Variants in ACAP2 observed in about 807,000 individuals in gnomAD.
ACAP2 encodes arf-GAP with coiled-coil, ANK repeat and PH domain-containing protein 2.
A neutral mutation model predicts 115.8 loss-of-function variants in ACAP2; 39 were observed. The ratio of observed to expected loss-of-function variants is 0.34; its 90% CI spans 0.26 to 0.44. The LOEUF is 0.44. ACAP2 is among the 20% of genes least tolerant of loss of function. The pLI, the probability that ACAP2 is intolerant of heterozygous loss-of-function variation, is 1.00. For missense variants in ACAP2, 662 were observed against 927.6 expected (o/e 0.71, Z 3.72); for synonymous variants, 289 against 315.8 (o/e 0.92, Z 0.90).
At chr3:195,396,440 C>T (rs996797091) in intron 1 of ACAP2, among the ~76,000 whole-genome samples, 2 of 151,980 alleles carry the variant, frequency 1.3e-5, no homozygotes, top group African/African-American at 2.4e-5. Flanking sequence ...TAACTAAATA[C>T]ATTAAATGTG....
chr3:195,371,540 C>CT (rs1200712029), intron 4 of ACAP2, among the ~76,000 whole-genome samples: 1 of 152,170 alleles, frequency 6.6e-6, no homozygotes, highest in East Asian at 1.9e-4. Flanking sequence ...TTTGGATGCC[C>CT]TTTATTTCCT....
At chr3:195,402,533 T>C (rs974873922) in intron 1 of ACAP2, among the ~76,000 whole-genome samples, 1 of 152,230 alleles carries the variant, frequency 6.6e-6, no homozygotes, top group Non-Finnish European at 1.5e-5. Flanking sequence ...ATTATACATA[T>C]AACTTTTTAA....
At position 195,329,265 on chromosome 3, in the gene ACAP2, G is replaced by C. The variant is rs113515265; in HGVS notation, c.670-2306C>G. Among the ~76,000 whole-genome samples, 63 of 152,272 alleles carry C rather than the reference G, an allele frequency of 4.1e-4. No homozygotes were observed. In the Middle Eastern group the frequency reaches 0.017, roughly 41 times the overall value. On this transcript the variant is annotated intron_variant, in intron 8 of 22. Coordinates refer to ENST00000326793, the MANE Select transcript of ACAP2 (RefSeq NM_012287.6). ...AAGACTGGCAGAGTCTTATCTTCTA[G>C]ACATGGGGAAATGTATCAGGAAGAT...
chr3:195,432,631 A>T (rs1442443435), intron 1 of ACAP2, among the ~76,000 whole-genome samples: 1 of 152,188 alleles, frequency 6.6e-6, no homozygotes, highest in African/African-American at 2.4e-5. Context: ...GAATCCTCCA[A>T]CTTCGTTCTT....
chr3:195,409,013 T>C (rs1406419441), intron 1 of ACAP2, among the ~76,000 whole-genome samples: 1 of 151,176 alleles, frequency 6.6e-6, no homozygotes, highest in Non-Finnish European at 1.5e-5. Flanking sequence ...AGCTTCCCTG[T>C]AGGATTAGAA....
chr3:195,391,228 C>CTTT lies in ACAP2; in HGVS notation c.111+859_111+861dup, dbSNP rs1186667963. Among the ~76,000 whole-genome samples, 14 of 129,878 alleles carry CTTT rather than the reference C, an allele frequency of 1.1e-4. No individual in the cohort carries two copies. The South Asian group carries it at 1.7e-3, about 16-fold the overall frequency. 85.2% of individuals were successfully genotyped at this position (129,878 alleles called of 152,430 possible). ...GAAAATACAGAAAAAGCTTCTCTTT[C>CTTT]TTTTTTTTTTTTTTTTTTGAGATGG... On this transcript the variant is annotated intron_variant, in intron 2 of 22. Coordinates refer to ENST00000326793, the MANE Select transcript of ACAP2 (RefSeq NM_012287.6).
chr3:195,342,140 T>C (rs1225746861), intron 6 of ACAP2, among the ~76,000 whole-genome samples: 1 of 152,164 alleles, frequency 6.6e-6, no homozygotes, highest in Non-Finnish European at 1.5e-5. Context: ...CCTAAACTTA[T>C]TGAAATAATA....
chr3:195,363,608 T>A (rs1732514067), intron 4 of ACAP2, among the ~76,000 whole-genome samples: 2 of 147,616 alleles, frequency 1.4e-5, no homozygotes, highest in Non-Finnish European at 3.0e-5. Context: ...CCTAAAAATT[T>A]ATATGAAACC....
At chr3:195,367,212 T>C (rs1336646471) in intron 4 of ACAP2, among the ~76,000 whole-genome samples, 1 of 152,200 alleles carries the variant, frequency 6.6e-6, no homozygotes, top group African/African-American at 2.4e-5. Flanking sequence ...ACACAGCTCC[T>C]AATTCAGCAG....
intron 2 of ACAP2, among the ~76,000 whole-genome samples, chr3:195,382,908 C>T (rs1172930357): frequency 2.0e-5 from 3 of 150,130 alleles, no homozygotes; most frequent in Non-Finnish European, 4.4e-5. Context: ...GACCATCTAA[C>T]GAGGGCTGTG....
At chr3:195,340,880 T>A (rs1406620133) in intron 6 of ACAP2, among the ~76,000 whole-genome samples, 1 of 152,200 alleles carries the variant, frequency 6.6e-6, no homozygotes, top group Non-Finnish European at 1.5e-5. Flanking sequence ...AAGTACAGTC[T>A]ATTCATCTTA....
chr3:195,438,933 C>A (rs752340980), intron 1 of ACAP2, among the ~76,000 whole-genome samples: 15 of 151,784 alleles, frequency 9.9e-5, no homozygotes, highest in Non-Finnish European at 1.6e-4. Context: ...TGGAGGTGCA[C>A]GCCTATAATC....
chr3:195,336,725 T>A (rs527683412), intron 7 of ACAP2: 6 of 573,302 alleles, frequency 1.0e-5, no homozygotes, highest in Non-Finnish European at 1.9e-5. Flanking sequence ...GACCTCACAG[T>A]GTATCAACAG....
intron 1 of ACAP2, among the ~76,000 whole-genome samples, chr3:195,440,207 C>T (rs1273676371): frequency 6.6e-6 from 1 of 151,806 alleles, no homozygotes; most frequent in Non-Finnish European, 1.5e-5. Context: ...AAAAGGGAAC[C>T]CAAAATTATA....
At chr3:195,359,759 G>A (rs567885796) in intron 4 of ACAP2, among the ~76,000 whole-genome samples, 22 of 152,286 alleles carry the variant, frequency 1.4e-4, no homozygotes, top group East Asian at 9.7e-4. Flanking sequence ...GAGCCATCGC[G>A]CCTGGCCTAA....
intron 4 of ACAP2, chr3:195,356,248 G>C: frequency 2.2e-6 from 1 of 454,140 alleles, no homozygotes; most frequent in Non-Finnish European, 4.4e-6. Context: ...TGCCAATCCC[G>C]GCAGAACTCA....
In ACAP2 at chr3:195,289,146, C is replaced by A. The variant is rs757495309; in HGVS notation, c.2149G>T (p.Ala717Ser). The change falls in exon 21 of 23, where the codon GCA (alanine) becomes TCA (serine). Residue 717 changes from alanine to serine, a missense_variant. Physicochemically the swap from Ala to Ser is moderately conservative, Grantham distance 99 (BLOSUM62 1). Around this residue, in one of 3 missense-constraint regions of ACAP2, gnomAD observed 128 missense variants for 200.2 expected, o/e 0.64. Coordinates refer to ENST00000326793, the MANE Select transcript of ACAP2 (RefSeq NM_012287.6). ...GKDPLSIAVE[A>S]ANADIVTLLR... ...AAGGTGACTATATCAGCATTGGCTGCTTCCACAGCTATGCTCAAAGGGTCT... is the reference window on the plus strand; with the variant it reads ...AAGGTGACTATATCAGCATTGGCTGATTCCACAGCTATGCTCAAAGGGTCT... 4.3e-6 allele frequency: 7 copies of A among 1,611,170 alleles called. 1 individual carries two copies. The South Asian group carries it at 5.6e-5, about 13-fold the overall frequency.
At chr3:195,321,216 CTTTTTTTTTTT>C (rs34165362) in intron 9 of ACAP2, among the ~76,000 whole-genome samples, 2 of 102,244 alleles carry the variant, frequency 2.0e-5, no homozygotes, top group African/African-American at 8.1e-5. Context: ...TTTATCACAA[CTTTTTTTTTTT>C]TTTTTTTTTT....
intron 15 of ACAP2, among the ~76,000 whole-genome samples, chr3:195,300,848 C>A (rs1346918427): frequency 6.6e-6 from 1 of 152,094 alleles, no homozygotes; most frequent in Admixed American, 6.6e-5. Context: ...GAAACCATGT[C>A]TCTACGAAAA....
Sources: gnomAD v4.1 joint callset for allele counts (sites outside exome capture counted in the v4.1 genomes callset) on GRCh38, gnomAD v4.1.1 for gene constraint, gnomAD v4.1.1 regional missense constraint, MANE v1.5 for transcripts, NCBI Gene and HGNC (gene_info 2026-07-23, HGNC 2026-07-21) for gene names.